TTLL7: variants seen among roughly 807,000 people sequenced by gnomAD.
TTLL7 encodes tubulin polyglutamylase TTLL7.
In TTLL7, 53 loss-of-function variants were observed where a neutral mutation model predicts 120.2. That is an observed-to-expected ratio of 0.44 (90% CI 0.35 to 0.55). The LOEUF (loss-of-function observed/expected upper bound fraction) is 0.55. TTLL7 is among the 20% of genes least tolerant of loss of function. The pLI, the probability that TTLL7 is intolerant of heterozygous loss-of-function variation, is 0.00. For missense variants in TTLL7, 803 were observed against 1,054.7 expected (o/e 0.76, Z 3.31); for synonymous variants, 353 against 351.7 (o/e 1.00, Z -0.04).
intron 18 of TTLL7, among the ~76,000 whole-genome samples, chr1:83,893,892 A>T (rs1255566420): frequency 6.6e-6 from 1 of 152,068 alleles, no homozygotes; most frequent in Non-Finnish European, 1.5e-5. Context: ...TCTGTAATAA[A>T]GTAGTGTGTG....
Position 83,911,244 on chromosome 1 carries a change from C to G in TTLL7, c.1707G>C (p.Glu569Asp). 1 of 1,613,222 alleles carries G rather than the reference C, an allele frequency of 6.2e-7. No homozygotes were observed. Among genetic ancestry groups the G allele is most frequent in the Non-Finnish European group, 8.5e-7 (1 of 1,179,396 alleles). The change falls in exon 15 of 21, where the codon GAG becomes GAC. Residue 569 changes from glutamate to aspartate, a missense_variant. Glu to Asp is a conservative substitution (Grantham distance 45, BLOSUM62 2). Transcript: ENST00000260505. ...SSESDENEKE[E>D]YQNKKREKQV... Reference sequence around the variant, plus strand: ...GCTTTTCTCTTTTCTTATTTTGGTACTCTTCTTTTTCATTTTCGTCAGATT... The same window carrying G: ...GCTTTTCTCTTTTCTTATTTTGGTAGTCTTCTTTTTCATTTTCGTCAGATT...
At chr1:83,914,793 G>A (rs1043954541) in intron 14 of TTLL7, among the ~76,000 whole-genome samples, 4 of 152,002 alleles carry the variant, frequency 2.6e-5, no homozygotes, top group African/African-American at 9.7e-5. Flanking sequence ...ATTACTCCCT[G>A]GTTTTTTATT....
intron 18 of TTLL7, 137 bp downstream of exon 18, chr1:83,903,942 T>C (rs752011733): frequency 1.3e-4 from 90 of 702,544 alleles, no homozygotes; most frequent in Admixed American, 3.6e-4. Context: ...TGACACATAA[T>C]AGATACTTAA....
intron 9 of TTLL7, among the ~76,000 whole-genome samples, chr1:83,931,725 T>C (rs1463079369): frequency 6.6e-6 from 1 of 152,148 alleles, no homozygotes; most frequent in Non-Finnish European, 1.5e-5. Flanking sequence ...CAAAGTTCCA[T>C]GTTTTTCCTA....
intron 18 of TTLL7, among the ~76,000 whole-genome samples, chr1:83,903,782 G>A (rs930376936): frequency 6.6e-5 from 10 of 151,944 alleles, no homozygotes; most frequent in East Asian, 3.9e-4. Flanking sequence ...CCATGGATGC[G>A]AAACCCACAG....
At position 83,937,845 on chromosome 1, in the gene TTLL7, A is replaced by G. The variant is rs1300451798; in HGVS notation, c.888+7T>C. On this transcript the variant is annotated splice_region_variant and intron_variant, in intron 8 of 20. Coordinates refer to ENST00000260505, the MANE Select transcript of TTLL7 (RefSeq NM_024686.6). ...ACTGTTATAATTGTGGAATGGCATA[A>G]TCTTACTGAAATATCACTCCAAAAC... The G allele has an allele frequency of 6.2e-7, 1 of 1,613,782 alleles. No homozygotes were observed. The highest frequency in any genetic ancestry group is 2.2e-5 in the East Asian group (1 of 44,854).
At chr1:83,978,495 T>C (rs1360765198) in intron 1 of TTLL7, among the ~76,000 whole-genome samples, 1 of 152,182 alleles carries the variant, frequency 6.6e-6, no homozygotes, top group Non-Finnish European at 1.5e-5. Flanking sequence ...ATTTTACATA[T>C]TGAAAAGAAT....
chr1:83,916,160 T>C (rs1202660413), intron 14 of TTLL7, among the ~76,000 whole-genome samples: 1 of 152,228 alleles, frequency 6.6e-6, no homozygotes, highest in Non-Finnish European at 1.5e-5. Flanking sequence ...CAAAGGATTA[T>C]AAATCATGCT....
Position 83,937,797 on chromosome 1 carries a change from C to T in TTLL7, c.888+55G>A, listed in dbSNP as rs187274324. On this transcript the variant is annotated intron_variant, in intron 8 of 20. Transcript: ENST00000260505. ...AATGAACTTTCATGGCCTGACAATG[C>T]TTCAAATTATTGCTGAGGAAAGACT... 1.8e-5 allele frequency: 29 copies of T among 1,594,522 alleles called. 1 individual carries two copies. The East Asian group carries it at 2.9e-4, about 16-fold the overall frequency.
At chr1:83,962,101 T>C (rs1316036487) in intron 1 of TTLL7, among the ~76,000 whole-genome samples, 2 of 152,134 alleles carry the variant, frequency 1.3e-5, no homozygotes, top group African/African-American at 4.8e-5. Context: ...AGTCAGTTCA[T>C]TCTTTGCCAA....
At chr1:83,928,053 C>T (rs748483084) in intron 10 of TTLL7, among the ~76,000 whole-genome samples, 5 of 152,142 alleles carry the variant, frequency 3.3e-5, no homozygotes, top group African/African-American at 7.2e-5. Flanking sequence ...AAATTTCTGA[C>T]TGCTTAAACT....
chr1:83,957,799 T>C (rs577526486), intron 1 of TTLL7, among the ~76,000 whole-genome samples: 4 of 152,298 alleles, frequency 2.6e-5, no homozygotes, highest in South Asian at 2.1e-4. Context: ...CCCAAGGACA[T>C]AGTGAGAAGG....
chr1:83,922,205 A>C (rs2100798180), intron 10 of TTLL7, among the ~76,000 whole-genome samples: 1 of 151,244 alleles, frequency 6.6e-6, no homozygotes, highest in Non-Finnish European at 1.5e-5. Context: ...CTTTAGAAGA[A>C]ACAAACAAAC....
In TTLL7 at chr1:83,868,282, A is replaced by C. The variant is rs1378422941; in HGVS notation, c.*1680T>G. The stretch of plus-strand genomic sequence containing the variant: ...TTCATGAATTTCGAAAATAATTAGC[A>C]GCTAAAAGAAAATAAAACTGTTGGG... On this transcript the variant is annotated 3_prime_UTR_variant, in exon 21 of 21. Transcript: ENST00000260505. The C allele has an allele frequency of 6.6e-6, 1 of 152,250 alleles. No individual in the cohort carries two copies. Among genetic ancestry groups the C allele is most frequent in the Non-Finnish European group, 1.5e-5 (1 of 68,040 alleles). The allele number at this position is 152,250 out of a possible 1,614,324, so 9.4% of individuals were successfully genotyped here.
chr1:83,887,198 T>C (rs1161728277), intron 19 of TTLL7: 9 of 1,136,056 alleles, frequency 7.9e-6, no homozygotes, highest in Non-Finnish European at 9.9e-6. Flanking sequence ...ATTGGGAATG[T>C]TGACAGGCAA....
chr1:83,872,182 C>A (rs887444380), intron 20 of TTLL7, among the ~76,000 whole-genome samples: 4 of 152,118 alleles, frequency 2.6e-5, no homozygotes, highest in African/African-American at 9.7e-5. Context: ...CTAATAATAT[C>A]TTCTAAACCT....
intron 19 of TTLL7, among the ~76,000 whole-genome samples, chr1:83,888,858 T>C (rs1655194520): frequency 6.6e-6 from 1 of 151,978 alleles, no homozygotes; most frequent in Non-Finnish European, 1.5e-5. Context: ...CTACAGATTT[T>C]AGGAAATGAT....
intron 1 of TTLL7, among the ~76,000 whole-genome samples, chr1:83,989,081 C>T (rs1176933042): frequency 6.6e-6 from 1 of 152,114 alleles, no homozygotes; most frequent in Non-Finnish European, 1.5e-5. Flanking sequence ...GGATATTAGA[C>T]CTTTGTCACA....
chr1:83,930,153 C>T (rs1365975260), intron 9 of TTLL7, among the ~76,000 whole-genome samples: 2 of 152,136 alleles, frequency 1.3e-5, no homozygotes. Flanking sequence ...CACTACTTAA[C>T]ACTTAGTGTC....
Sources: gnomAD v4.1 joint callset for allele counts (sites outside exome capture counted in the v4.1 genomes callset) on GRCh38, gnomAD v4.1.1 for gene constraint, MANE v1.5 for transcripts, NCBI Gene and HGNC (gene_info 2026-07-23, HGNC 2026-07-21) for gene names.